LOC128462377: variants seen among roughly 807,000 people sequenced by gnomAD.
chr16:89,362,954 T>A, the LOC128462377 span, among the ~76,000 whole-genome samples: 4,547 of 151,816 alleles, frequency 0.03, 204 homozygotes, highest in African/African-American at 0.1. Flanking sequence ...ACACAGCAGT[T>A]GGTATAAAAA....
chr16:89,380,590 A>AT, the LOC128462377 span, among the ~76,000 whole-genome samples: 4 of 152,214 alleles, frequency 2.6e-5, no homozygotes, highest in Non-Finnish European at 5.9e-5. Context: ...TTGTGAAAGC[A>AT]TTTTTTGTGT....
At chr16:89,408,896 C>T in the LOC128462377 span, among the ~76,000 whole-genome samples, 3 of 152,208 alleles carry the variant, frequency 2.0e-5, no homozygotes, top group Non-Finnish European at 2.9e-5. Flanking sequence ...GAGCATGTGC[C>T]TCTCACAGAC....
the LOC128462377 span, among the ~76,000 whole-genome samples, chr16:89,368,435 C>T: frequency 2.5e-5 from 3 of 121,926 alleles, no homozygotes; most frequent in East Asian, 8.2e-4. Flanking sequence ...CTTGGCCAGG[C>T]TGGTCTCGAA....
the LOC128462377 span, among the ~76,000 whole-genome samples, chr16:89,379,642 G>A: frequency 3.9e-5 from 6 of 152,178 alleles, no homozygotes; most frequent in Non-Finnish European, 8.8e-5. Context: ...CTCCACCACT[G>A]CTCTCTGCCT....
At chr16:89,369,495 T>C in the LOC128462377 span, among the ~76,000 whole-genome samples, 2 of 152,226 alleles carry the variant, frequency 1.3e-5, no homozygotes, top group East Asian at 3.8e-4. Context: ...AGCTCTGCCG[T>C]ATCAGACACA....
chr16:89,369,729 A>G, the LOC128462377 span, among the ~76,000 whole-genome samples: 1 of 152,216 alleles, frequency 6.6e-6, no homozygotes, highest in Non-Finnish European at 1.5e-5. Flanking sequence ...ACAGAACTCA[A>G]TACCCTTTCC....
At chr16:89,347,385 G>A in the LOC128462377 span, among the ~76,000 whole-genome samples, 5 of 152,216 alleles carry the variant, frequency 3.3e-5, no homozygotes, top group African/African-American at 9.6e-5. Flanking sequence ...CAAGATAGGC[G>A]GATCACGAGG....
chr16:89,391,161 G>C, the LOC128462377 span, among the ~76,000 whole-genome samples: 1 of 151,478 alleles, frequency 6.6e-6, no homozygotes, highest in Admixed American at 6.6e-5. Context: ...CCGGAAGGCG[G>C]AGCTTGCAGT....
the LOC128462377 span, among the ~76,000 whole-genome samples, chr16:89,410,164 G>A: frequency 9.1e-4 from 138 of 152,140 alleles, no homozygotes; most frequent in Non-Finnish European, 8.2e-4. Flanking sequence ...AACACAGTTT[G>A]CTGTTCAGCT....
chr16:89,408,096 G>A, the LOC128462377 span, among the ~76,000 whole-genome samples: 1 of 152,132 alleles, frequency 6.6e-6, no homozygotes, highest in Non-Finnish European at 1.5e-5. Context: ...GCACATGTGT[G>A]ACCACTGGCC....
At chr16:89,366,657 C>T in the LOC128462377 span, among the ~76,000 whole-genome samples, 2 of 152,312 alleles carry the variant, frequency 1.3e-5, no homozygotes, top group Non-Finnish European at 2.9e-5. Flanking sequence ...TTTCCTGTAT[C>T]TGTCATGAGG....
At chr16:89,383,283 A>G in the LOC128462377 span, among the ~76,000 whole-genome samples, 1 of 152,208 alleles carries the variant, frequency 6.6e-6, no homozygotes. Flanking sequence ...AAGCACTGCC[A>G]TTAGGATTTC....
chr16:89,325,699 T>C, the LOC128462377 span, among the ~76,000 whole-genome samples: 2 of 152,304 alleles, frequency 1.3e-5, no homozygotes, highest in African/African-American at 4.8e-5. Context: ...GTCTGCTAAG[T>C]TGTACATTTT....
At chr16:89,331,844 G>A in the LOC128462377 span, among the ~76,000 whole-genome samples, 17 of 152,086 alleles carry the variant, frequency 1.1e-4, no homozygotes, top group East Asian at 7.7e-4. Flanking sequence ...GAATGTTTTC[G>A]GCGGATGCAA....
At chr16:89,402,484 A>AGGAT in the LOC128462377 span, among the ~76,000 whole-genome samples, 3 of 152,036 alleles carry the variant, frequency 2.0e-5, no homozygotes, top group Admixed American at 2.0e-4. Flanking sequence ...GTTCAAGAGC[A>AGGAT]TCCTGGGAAT....
the LOC128462377 span, among the ~76,000 whole-genome samples, chr16:89,414,218 C>T: frequency 6.6e-6 from 1 of 152,218 alleles, no homozygotes; most frequent in African/African-American, 2.4e-5. Context: ...AACATTAAGT[C>T]CAAGCCTCTT....
the LOC128462377 span, among the ~76,000 whole-genome samples, chr16:89,410,363 T>A: frequency 3.9e-5 from 6 of 152,280 alleles, no homozygotes; most frequent in Admixed American, 3.3e-4. Context: ...AGAATAAATT[T>A]TAAACAAAGG....
At chr16:89,323,140 A>G in the LOC128462377 span, 2 of 359,402 alleles carry the variant, frequency 5.6e-6, no homozygotes, top group Non-Finnish European at 1.1e-5. Flanking sequence ...GAAAGGGAGA[A>G]GCACGGTCTC....
At chr16:89,411,806 GA>G in the LOC128462377 span, among the ~76,000 whole-genome samples, 2 of 152,050 alleles carry the variant, frequency 1.3e-5, no homozygotes, top group East Asian at 1.9e-4. Flanking sequence ...CTAGAGTGGG[GA>G]AAAAAAGAGA....
Sources: allele counts gnomAD v4.1 joint callset (sites outside exome capture counted in the v4.1 genomes callset), GRCh38; gene constraint gnomAD v4.1.1; transcripts MANE v1.5.